Variants in DHTKD1 observed in about 807,000 individuals in gnomAD.
DHTKD1 encodes the protein 2-oxoadipate dehydrogenase complex component E1.
Under a neutral mutation model 101.8 loss-of-function variants are expected in DHTKD1, and 78 were observed. The observed-to-expected ratio is 0.77, with a 90% confidence interval of 0.64 to 0.93. DHTKD1 has a LOEUF of 0.93. Ranked by LOEUF, DHTKD1 falls within the 40% of genes least tolerant of loss-of-function variation. The pLI is 0.00. For synonymous variants in DHTKD1, 462 were observed against 450.3 expected, an observed-to-expected ratio of 1.03 and a Z score of -0.33; for missense variants, 1,223 against 1,161.7, an observed-to-expected ratio of 1.05 and a Z score of -0.77.
At chr10:12,069,268 G>C in intron 1 of DHTKD1, 81 bp downstream of exon 1, 1 of 1,351,272 alleles carries the variant, frequency 7.4e-7, no homozygotes. Context: ...GGGGTGTCGG[G>C]GTCGGGGAAC....
rs749073861 is a variant in DHTKD1, at chr10:12,118,802, A to G, written c.2456A>G (p.Gln819Arg). The G allele has an allele frequency of 1.9e-5, 31 of 1,607,410 alleles. No homozygotes were observed. The highest frequency in any genetic ancestry group is 2.6e-5 in the Non-Finnish European group (31 of 1,177,504). The change falls in exon 15 of 17, where the codon CAA (glutamine) becomes CGA (arginine). Residue 819 changes from glutamine to arginine, a missense_variant. Coordinates refer to ENST00000263035, the MANE Select transcript of DHTKD1 (RefSeq NM_018706.7). ...AAACATTTCTACTCCCTGGTGAAAC[A>G]AAGAGAATCTCTGGGGGCCAAGAAG... is the stretch of plus-strand genomic sequence containing the variant. ...SGKHFYSLVKQRESLGAKKHD... is the reference protein window; with the variant it reads ...SGKHFYSLVKRRESLGAKKHD...
At chr10:12,081,344 C>T (rs549361267) in intron 1 of DHTKD1, 128 bp from the exon 2 acceptor site, 2 of 693,816 alleles carry the variant, frequency 2.9e-6, no homozygotes, top group African/African-American at 3.7e-5. Flanking sequence ...AAGACCCTGT[C>T]TCTAAAATAA....
At chr10:12,106,210 T>A in intron 10 of DHTKD1, 36 bp from the exon 11 acceptor site, 4 of 1,613,036 alleles carry the variant, frequency 2.5e-6, no homozygotes, top group Non-Finnish European at 2.5e-6. Flanking sequence ...GCCGTGGCCC[T>A]CACATGCAGC....
chr10:12,088,636 T>C (rs1832940138), intron 4 of DHTKD1, among the ~76,000 whole-genome samples: 1 of 152,058 alleles, frequency 6.6e-6, no homozygotes, highest in Admixed American at 6.6e-5. Flanking sequence ...CAGGCTGGAG[T>C]GCAGTGGCGT....
intron 13 of DHTKD1, among the ~76,000 whole-genome samples, chr10:12,113,671 A>G (rs1184288787): frequency 6.6e-6 from 1 of 152,146 alleles, no homozygotes; most frequent in Admixed American, 6.6e-5. Context: ...CATGCCTATA[A>G]TTCCAGGACT....
At chr10:12,080,610 T>C (rs558764695) in intron 1 of DHTKD1, among the ~76,000 whole-genome samples, 30 of 150,266 alleles carry the variant, frequency 2.0e-4, no homozygotes, top group African/African-American at 7.3e-4. Flanking sequence ...ACTCGGGAGG[T>C]TGAGGCAGGA....
intron 5 of DHTKD1, among the ~76,000 whole-genome samples, chr10:12,090,979 C>T (rs7073177): frequency 6.6e-6 from 1 of 151,894 alleles, no homozygotes; most frequent in Admixed American, 6.6e-5. Context: ...GCGTGAACCC[C>T]GGAGGCGGAG....
chr10:12,085,267 G>A (rs747613556), intron 3 of DHTKD1, among the ~76,000 whole-genome samples: 1 of 151,706 alleles, frequency 6.6e-6, no homozygotes, highest in Admixed American at 6.6e-5. Context: ...CTGAGATCGC[G>A]CCACTGCACT....
intron 4 of DHTKD1, 116 bp from the exon 5 acceptor site, chr10:12,088,870 C>A: frequency 2.1e-6 from 2 of 955,560 alleles, no homozygotes; most frequent in Non-Finnish European, 3.2e-6. Flanking sequence ...CAGGCATAAG[C>A]CACCACTCCT....
intron 1 of DHTKD1, among the ~76,000 whole-genome samples, chr10:12,077,818 G>A (rs1312747165): frequency 2.8e-5 from 4 of 143,120 alleles, no homozygotes; most frequent in African/African-American, 8.3e-5. Flanking sequence ...TGTGAGGAAC[G>A]TTCAGAGAGG....
At chr10:12,084,260 T>A (rs961367940) in intron 2 of DHTKD1, among the ~76,000 whole-genome samples, 22 of 152,054 alleles carry the variant, frequency 1.4e-4, no homozygotes, top group African/African-American at 5.3e-4. Context: ...GCACTCTGCG[T>A]TGAAGTAATT....
At chr10:12,120,446 G>A in intron 16 of DHTKD1, 179 bp downstream of exon 16, 1 of 551,854 alleles carries the variant, frequency 1.8e-6, no homozygotes, top group Non-Finnish European at 3.2e-6. Context: ...CCATTCTCCT[G>A]CCTCAGCCTC....
intron 1 of DHTKD1, among the ~76,000 whole-genome samples, chr10:12,072,821 C>T (rs1366737461): frequency 6.6e-6 from 1 of 151,860 alleles, no homozygotes; most frequent in Non-Finnish European, 1.5e-5. Context: ...ACCACAACCT[C>T]TGCCTCCTGG....
At chr10:12,101,266 G>A (rs1833165790) in intron 10 of DHTKD1, 85 bp downstream of exon 10, 8 of 1,457,372 alleles carry the variant, frequency 5.5e-6, no homozygotes, top group Non-Finnish European at 7.4e-6. Flanking sequence ...AAGGAGTGCT[G>A]GCAACTTTGG....
chr10:12,092,934 G>A (rs1020638082), intron 6 of DHTKD1, among the ~76,000 whole-genome samples: 1 of 152,096 alleles, frequency 6.6e-6, no homozygotes, highest in East Asian at 1.9e-4. Context: ...CTGGAGTGCA[G>A]TGGTACAATC....
At position 12,072,461 on chromosome 10, in the gene DHTKD1, CAATAAATAAATAAATAAATA is replaced by C. The variant is rs71382613; in HGVS notation, c.154+3299_154+3318del. ...TGGGTGATAGAGCAAGACTCTGTCT[CAATAAATAAATAAATAAATA>C]AATAAATAAATAAATAAATAAATAC... On this transcript the variant is annotated intron_variant, in intron 1 of 16. Transcript: ENST00000263035. Among the ~76,000 whole-genome samples the C allele has an allele frequency of 2.5e-3, 366 of 148,484 alleles. 1 individual carries two copies. The highest frequency in any genetic ancestry group is 8.1e-3 in the African/African-American group (322 of 39,968).
chr10:12,108,084 GATAGC>G, intron 12 of DHTKD1, 69 bp downstream of exon 12: 1 of 1,197,244 alleles, frequency 8.4e-7, no homozygotes, highest in Admixed American at 1.8e-5. Context: ...ACCTCCTGCG[GATAGC>G]TTAACGCCCA....
intron 1 of DHTKD1, among the ~76,000 whole-genome samples, chr10:12,074,905 T>C (rs943919154): frequency 8.5e-5 from 13 of 152,058 alleles, no homozygotes; most frequent in Middle Eastern, 6.8e-3. Flanking sequence ...GCCAGTGGGT[T>C]ACTTGAGGTG....
Position 12,086,221 on chromosome 10 carries a change from C to CTTTTTTTTTTTTTTTTTTT in DHTKD1, c.523-1310_523-1309insTTTTTTTTTTTTTTTTTTT, listed in dbSNP as rs1246673651. ...TTAAAATTTATTTTTCTTTTGTTTT[C>CTTTTTTTTTTTTTTTTTTT]TTTTCTTTTTTTTTTTTTTGAGATG... is the stretch of plus-strand genomic sequence containing the variant. On this transcript the variant is annotated intron_variant, in intron 3 of 16. Coordinates refer to ENST00000263035, the MANE Select transcript of DHTKD1 (RefSeq NM_018706.7). 2.6e-5 allele frequency among the ~76,000 whole-genome samples: 2 copies of CTTTTTTTTTTTTTTTTTTT among 78,048 alleles called. 1 individual carries two copies. The highest frequency in any genetic ancestry group is 4.5e-5 in the Non-Finnish European group (2 of 44,126). The allele number at this position is 78,048 out of a possible 152,430, so 51.2% of individuals were successfully genotyped here.
Sources: allele counts gnomAD v4.1 joint callset (sites outside exome capture counted in the v4.1 genomes callset), GRCh38; gene constraint gnomAD v4.1.1; transcripts MANE v1.5; gene names NCBI Gene and HGNC (gene_info 2026-07-23, HGNC 2026-07-21).